The following DIS3L2 variants were observed in gnomAD, a reference collection of about 807,000 sequenced individuals.
The protein encoded by DIS3L2 is DIS3 like 3'-5' exoribonuclease 2, also known as DIS3-like exonuclease 2.
Under a neutral mutation model 97.5 loss-of-function variants are expected in DIS3L2, and 34 were observed. The observed-to-expected ratio is 0.35, with a 90% CI of 0.27 to 0.46. The LOEUF is 0.46. DIS3L2 is among the 20% of genes least tolerant of loss of function. The probability of loss-of-function intolerance (pLI) is 1.00; values close to 1 mark genes in which losing one functional copy is unlikely to be tolerated. For synonymous variants in DIS3L2, 435 were observed against 445.2 expected, an observed-to-expected ratio of 0.98 and a Z score of 0.29; for missense variants, 1,038 against 1,146.0, an observed-to-expected ratio of 0.91 and a Z score of 1.36.
At chr2:232,207,174 G>T (rs543522669) in intron 9 of DIS3L2, among the ~76,000 whole-genome samples, 1 of 152,124 alleles carries the variant, frequency 6.6e-6, no homozygotes, top group African/African-American at 2.4e-5. Context: ...TACCATGTCT[G>T]ACTTTTTAGT....
chr2:232,340,728 C>T (rs148640252), downstream of DIS3L2: 2 of 470,472 alleles, frequency 4.3e-6, no homozygotes, highest in African/African-American at 4.0e-5. Flanking sequence ...CAGCAGGAGA[C>T]AAAGAACCCA....
intron 6 of DIS3L2, among the ~76,000 whole-genome samples, chr2:232,106,525 G>A (rs1008760718): frequency 6.6e-6 from 1 of 152,146 alleles, no homozygotes; most frequent in Non-Finnish European, 1.5e-5. Context: ...TTACATAATG[G>A]TAAAGGGTTC....
At chr2:232,195,707 C>T (rs189290210) in intron 9 of DIS3L2, among the ~76,000 whole-genome samples, 2 of 152,196 alleles carry the variant, frequency 1.3e-5, no homozygotes, top group Non-Finnish European at 2.9e-5. Flanking sequence ...CTGCATCAGC[C>T]TCCCAAAGTG....
Position 232,105,451 on chromosome 2 carries a change from A to C in DIS3L2, c.601+17730A>C, listed in dbSNP as rs79820151. On this transcript the variant is annotated intron_variant, in intron 6 of 20. Coordinates refer to ENST00000325385, the MANE Select transcript of DIS3L2 (RefSeq NM_152383.5). ...TAATGATTACATCTGTTCTTTATTC[A>C]AATATAACTGGAGCTTGCCCAGCTC... is the stretch of plus-strand genomic sequence containing the variant. Among the ~76,000 whole-genome samples the C allele has an allele frequency of 4.4e-3, 677 of 152,278 alleles. 3 individuals carry two copies. Among genetic ancestry groups the C allele is most frequent in the African/African-American group, 0.015 (614 of 41,566 alleles).
At chr2:232,134,754 C>T (rs1446708870) in intron 7 of DIS3L2, among the ~76,000 whole-genome samples, 1 of 152,044 alleles carries the variant, frequency 6.6e-6, no homozygotes, top group Non-Finnish European at 1.5e-5. Context: ...ATTGCTTGAA[C>T]CTGGGAGGCG....
chr2:232,051,811 CAAAAAAAAAAAAAA>C lies in DIS3L2; in HGVS notation c.366+21746_366+21759del, dbSNP rs58851349. On this transcript the variant is annotated intron_variant, in intron 5 of 20. Coordinates refer to ENST00000325385, the MANE Select transcript of DIS3L2 (RefSeq NM_152383.5). ...TGGGCGACAGAGCGAGACTCCGTCT[CAAAAAAAAAAAAAA>C]AAAAAAAAAAAAAAGAACTAGCTTT... Among the ~76,000 whole-genome samples, 54 of 37,066 alleles carry C rather than the reference CAAAAAAAAAAAAAA, an allele frequency of 1.5e-3. 2 individuals carry two copies. Among genetic ancestry groups the C allele is most frequent in the Admixed American group, 1.4e-3 (3 of 2,154 alleles). The allele number at this position is 37,066 out of a possible 152,430, so 24.3% of individuals were successfully genotyped here.
chr2:231,990,613 G>A (rs1048984704), intron 1 of DIS3L2, among the ~76,000 whole-genome samples: 1 of 152,094 alleles, frequency 6.6e-6, no homozygotes. Flanking sequence ...TAACATTTTT[G>A]GGCCTTATTT....
At chr2:232,000,160 A>G (rs1693836905) in intron 1 of DIS3L2, among the ~76,000 whole-genome samples, 1 of 152,228 alleles carries the variant, frequency 6.6e-6, no homozygotes, top group Non-Finnish European at 1.5e-5. Flanking sequence ...AATACAATAT[A>G]AATGGTATGA....
chr2:231,974,284 G>A (rs558606419), intron 1 of DIS3L2, among the ~76,000 whole-genome samples: 1 of 152,260 alleles, frequency 6.6e-6, no homozygotes, highest in South Asian at 2.1e-4. Flanking sequence ...ACCTCCCTAG[G>A]GGAAGGCAGG....
At chr2:232,096,625 TTG>T (rs1450843315) in intron 6 of DIS3L2, among the ~76,000 whole-genome samples, 1 of 152,168 alleles carries the variant, frequency 6.6e-6, no homozygotes, top group East Asian at 1.9e-4. Context: ...CTTTTTTCTC[TTG>T]TCTCTTATGT....
chr2:232,216,983 C>T (rs975862440), intron 10 of DIS3L2, among the ~76,000 whole-genome samples: 3 of 152,194 alleles, frequency 2.0e-5, no homozygotes, highest in African/African-American at 7.2e-5. Flanking sequence ...GCCAGGACTA[C>T]AGGCGCCTGC....
chr2:232,323,506 C>T (rs1411522551), intron 14 of DIS3L2, among the ~76,000 whole-genome samples: 1 of 152,182 alleles, frequency 6.6e-6, no homozygotes, highest in Non-Finnish European at 1.5e-5. Flanking sequence ...GGCCCGCCCA[C>T]TCACCTATAG....
chr2:232,064,115 T>C (rs1695788015), intron 5 of DIS3L2, among the ~76,000 whole-genome samples: 1 of 152,138 alleles, frequency 6.6e-6, no homozygotes, highest in Non-Finnish European at 1.5e-5. Context: ...AAAAAATCAC[T>C]CCCTTTAAGT....
chr2:232,298,652 C>G (rs931984656), intron 13 of DIS3L2, among the ~76,000 whole-genome samples: 20 of 152,004 alleles, frequency 1.3e-4, no homozygotes, highest in African/African-American at 4.1e-4. Flanking sequence ...TCTAATGATG[C>G]AGATCATTAG....
intron 14 of DIS3L2, among the ~76,000 whole-genome samples, chr2:232,317,103 A>G (rs1242850003): frequency 1.3e-5 from 2 of 152,226 alleles, no homozygotes; most frequent in African/African-American, 4.8e-5. Context: ...TGACCCATGG[A>G]CAGTCCTTGC....
chr2:232,231,685 A>G (rs1428042384), intron 10 of DIS3L2, among the ~76,000 whole-genome samples: 5 of 152,268 alleles, frequency 3.3e-5, no homozygotes, highest in Non-Finnish European at 7.3e-5. Flanking sequence ...GAGAGGGCTC[A>G]GCACCTGCAT....
At chr2:231,992,713 A>G (rs904375130) in intron 1 of DIS3L2, among the ~76,000 whole-genome samples, 1 of 152,100 alleles carries the variant, frequency 6.6e-6, no homozygotes, top group African/African-American at 2.4e-5. Context: ...CACTTCTCTT[A>G]GTGACATAGG....
At chr2:232,063,816 T>G (rs973917631) in intron 5 of DIS3L2, among the ~76,000 whole-genome samples, 2 of 152,168 alleles carry the variant, frequency 1.3e-5, no homozygotes, top group Admixed American at 1.3e-4. Flanking sequence ...AAATGCCTTA[T>G]TAACTGAAGC....
At chr2:232,050,126 T>C (rs1480078830) in intron 5 of DIS3L2, among the ~76,000 whole-genome samples, 1 of 152,218 alleles carries the variant, frequency 6.6e-6, no homozygotes, top group African/African-American at 2.4e-5. Context: ...TTCATTTTCC[T>C]GGAGCTTTCT....
Sources: gnomAD v4.1 joint callset for allele counts (sites outside exome capture counted in the v4.1 genomes callset) on GRCh38, gnomAD v4.1.1 for gene constraint, MANE v1.5 for transcripts, NCBI Gene and HGNC (gene_info 2026-07-23, HGNC 2026-07-21) for gene names.